Variants in ELFN1 observed in about 807,000 individuals in gnomAD.
ELFN1 encodes the protein extracellular leucine rich repeat and fibronectin type III domain containing 1.
In ELFN1, 6 loss-of-function variants were observed where a neutral mutation model predicts 7.6. The observed-to-expected ratio is 0.79, with a 90% CI of 0.43 to 1.56. The LOEUF is 1.56. ELFN1 is among the 40% of genes most tolerant of loss of function. ELFN1 has a pLI of 0.01. For missense variants in ELFN1, 1,169 were observed against 1,232.2 expected (o/e 0.95, Z 0.77); for synonymous variants, 657 against 588.1 (o/e 1.12, Z -1.70).
Position 1,717,253 on chromosome 7 carries a change from C to G in ELFN1, c.-294+8001C>G, listed in dbSNP as rs1031121131. On this transcript the variant is annotated intron_variant, in intron 3 of 3. Coordinates refer to ENST00000424383, the MANE Select transcript of ELFN1 (RefSeq NM_001128636.4). ...AGTATCACAGCCTTGCTGTTCTCTG[C>G]ATGGAGATCACAGGTACCTGGAGCA... Among the ~76,000 whole-genome samples, 49 of 152,230 alleles carry G rather than the reference C, an allele frequency of 3.2e-4. 1 individual carries two copies. Among genetic ancestry groups the G allele is most frequent in the African/African-American group, 1.2e-3 (49 of 41,460 alleles).
In ELFN1 at chr7:1,705,180, A is replaced by G. The variant is rs563394569; in HGVS notation, c.-455-3911A>G. On this transcript the variant is annotated intron_variant, in intron 2 of 3. Coordinates refer to ENST00000424383, the MANE Select transcript of ELFN1 (RefSeq NM_001128636.4). The surrounding 1 kb of genome is among the most constrained non-coding windows in gnomAD (Gnocchi z 4.3). ...CCCACAGGGCCAAGGGGTGGGCAGC[A>G]TGGAGGTGCAGGGTGGCAGGGACCC... 9.2e-5 allele frequency among the ~76,000 whole-genome samples: 14 copies of G among 152,228 alleles called. No homozygotes were observed. The highest frequency in any genetic ancestry group is 1.5e-4 in the Non-Finnish European group (10 of 67,988).
intron 3 of ELFN1, among the ~76,000 whole-genome samples, chr7:1,734,707 CTT>C (rs543161002): frequency 2.1e-5 from 3 of 145,036 alleles, no homozygotes; most frequent in Admixed American, 6.9e-5. Context: ...CTTTTTTTTT[CTT>C]TTTTTTTTTT....
At chr7:1,710,535 C>T (rs1384250175) in intron 3 of ELFN1, among the ~76,000 whole-genome samples, 3 of 152,228 alleles carry the variant, frequency 2.0e-5, no homozygotes, top group Non-Finnish European at 4.4e-5. Context: ...CTGCCAACAG[C>T]TTGTAGCATC....
chr7:1,742,942 G>A (rs1222912061), intron 3 of ELFN1, among the ~76,000 whole-genome samples: 3 of 152,178 alleles, frequency 2.0e-5, no homozygotes, highest in Admixed American at 6.5e-5. Flanking sequence ...CTGGCTGCCC[G>A]CCAGGCCACG....
upstream of ELFN1, among the ~76,000 whole-genome samples, chr7:1,669,302 G>T: frequency 6.6e-6 from 1 of 152,152 alleles, no homozygotes; most frequent in Middle Eastern, 3.4e-3. Flanking sequence ...CGTGCCGGGG[G>T]TACTGAGGCC....
chr7:1,733,516 G>A (rs1780367658), intron 3 of ELFN1, among the ~76,000 whole-genome samples: 1 of 152,218 alleles, frequency 6.6e-6, no homozygotes, highest in African/African-American at 2.4e-5. Flanking sequence ...GTAACAGACA[G>A]GAGATAGCAC....
At position 1,745,628 on chromosome 7, in the gene ELFN1, C is replaced by G; in HGVS notation, c.1032C>G (p.Thr344=). ...CCAGCCCGTTCCACCGGATGTACAC[C>G]CTGGAGCATTTCAACAACAGCAAGG... ...QLPSPFHRMY[T]LEHFNNSKAS... is the part of the protein sequence containing the mutation. Residue 344 remains threonine (T), a synonymous_variant, in exon 4 of 4, where the codon ACC becomes ACG. Coordinates refer to ENST00000424383, the MANE Select transcript of ELFN1 (RefSeq NM_001128636.4). The G allele has an allele frequency of 6.4e-7, 1 of 1,551,218 alleles. No individual in the cohort carries two copies. The highest frequency in any genetic ancestry group is 8.7e-7 in the Non-Finnish European group (1 of 1,146,992).
intron 2 of ELFN1, among the ~76,000 whole-genome samples, chr7:1,704,563 G>C (rs1409272478): frequency 6.6e-6 from 1 of 151,900 alleles, no homozygotes; most frequent in Non-Finnish European, 1.5e-5. Flanking sequence ...CCCACCCCAG[G>C]AGGCTCCACC....
chr7:1,722,534 C>T (rs1280333617), intron 3 of ELFN1, among the ~76,000 whole-genome samples: 1 of 151,636 alleles, frequency 6.6e-6, no homozygotes, highest in African/African-American at 2.4e-5. Flanking sequence ...GCCTCCCAAA[C>T]TGCTGGGATT....
intron 3 of ELFN1, among the ~76,000 whole-genome samples, chr7:1,718,548 C>T (rs760781818): frequency 2.0e-5 from 3 of 152,144 alleles, no homozygotes; most frequent in Non-Finnish European, 4.4e-5. Context: ...AAAGGGTGCC[C>T]AGAGAGACAC....
At chr7:1,666,915 AC>A (rs1778680467), upstream of ELFN1, among the ~76,000 whole-genome samples, 1 of 151,102 alleles carries the variant, frequency 6.6e-6, no homozygotes, top group Non-Finnish European at 1.5e-5. The surrounding 1 kb of genome is among the most constrained non-coding windows in gnomAD (Gnocchi z 7.9). Context: ...CCCGGGAAGG[AC>A]CCGCTCGCGG....
At chr7:1,712,174 GTTTCTTTTCT>G (rs372598967) in intron 3 of ELFN1, among the ~76,000 whole-genome samples, 22 of 152,268 alleles carry the variant, frequency 1.4e-4, no homozygotes, top group South Asian at 6.2e-4. Flanking sequence ...AAGTTTGTCT[GTTTCTTTTCT>G]TTTCTTTTCT....
At chr7:1,728,777 G>C (rs371012488) in intron 3 of ELFN1, among the ~76,000 whole-genome samples, 4 of 152,328 alleles carry the variant, frequency 2.6e-5, no homozygotes, top group African/African-American at 9.6e-5. Flanking sequence ...ATCAGGAACT[G>C]AGTGGGAGGA....
intron 3 of ELFN1, 25 bp from the exon 4 acceptor site, chr7:1,744,279 C>T (rs886402439): frequency 2.8e-5 from 7 of 245,978 alleles, no homozygotes; most frequent in Non-Finnish European, 4.3e-5. Context: ...GTCCCCTGAC[C>T]GCTGTCTTCT....
chr7:1,746,028 C>T lies in ELFN1; in HGVS notation c.1432C>T (p.Pro478Ser), dbSNP rs1169733927. 1 of 1,545,258 alleles carries T rather than the reference C, an allele frequency of 6.5e-7. No individual in the cohort carries two copies. The change falls in exon 4 of 4, where the codon CCC becomes TCC. Residue 478 changes from proline to serine, a missense_variant. Physicochemically the swap from Pro to Ser is moderately conservative, Grantham distance 74 (BLOSUM62 -1). This residue lies in a region of ELFN1 where 914 missense variants were observed against 872.6 expected (regional missense o/e 1.05). Transcript: ENST00000424383. The stretch of plus-strand genomic sequence containing the variant: ...CAAGTACGGGCCAGAGCTGGAGGCG[C>T]CCGGCCTGGCCCCGCTGTCCCAGGG... ...ELKYGPELEAPGLAPLSQGPL... is the reference protein window; with the variant it reads ...ELKYGPELEASGLAPLSQGPL...
At chr7:1,738,000 G>T (rs1342419988) in intron 3 of ELFN1, among the ~76,000 whole-genome samples, 1 of 152,338 alleles carries the variant, frequency 6.6e-6, no homozygotes, top group South Asian at 2.1e-4. Flanking sequence ...AGCCTGGTAG[G>T]CTCAGTCCTG....
rs1208856392 is a variant in ELFN1, at chr7:1,740,645, C to A, written c.-293-3659C>A. ...CCTGTTTCCTGTGCCAGGTCCGCAG[C>A]CTCTGCCCTTGGGGACTCCTGGACC... On this transcript the variant is annotated intron_variant, in intron 3 of 3. Transcript: ENST00000424383. This position sits in a 1 kb window ranked among gnomAD's most constrained non-coding sequence, Gnocchi z 5.0. 9.2e-5 allele frequency among the ~76,000 whole-genome samples: 14 copies of A among 152,142 alleles called. 1 individual carries two copies. The highest frequency in any genetic ancestry group is 8.5e-4 in the Admixed American group (13 of 15,276).
chr7:1,734,560 G>A (rs939015314), intron 3 of ELFN1, among the ~76,000 whole-genome samples: 2 of 152,172 alleles, frequency 1.3e-5, no homozygotes, highest in South Asian at 4.1e-4. Flanking sequence ...TCGGGAGGAG[G>A]CAGAGGGGAC....
At chr7:1,710,344 C>A (rs1294832450) in intron 3 of ELFN1, among the ~76,000 whole-genome samples, 1 of 152,210 alleles carries the variant, frequency 6.6e-6, no homozygotes, top group East Asian at 1.9e-4. Context: ...GTTCCCCAGA[C>A]CTCTCCACAG....
Sources: allele counts gnomAD v4.1 joint callset (sites outside exome capture counted in the v4.1 genomes callset), GRCh38; gene constraint gnomAD v4.1.1; regional missense constraint gnomAD v4.1.1; non-coding constraint Gnocchi (gnomAD v3.1); transcripts MANE v1.5; gene names NCBI Gene and HGNC (gene_info 2026-07-23, HGNC 2026-07-21).